The following ZBTB38 variants were observed in gnomAD, a reference collection of about 807,000 sequenced individuals.
ZBTB38 encodes the protein zinc finger and BTB domain containing 38.
Under a neutral mutation model 76.8 loss-of-function variants are expected in ZBTB38, and 20 were observed. The ratio of observed to expected loss-of-function variants is 0.26; its 90% CI spans 0.18 to 0.38. The LOEUF (loss-of-function observed/expected upper bound fraction) is 0.38. ZBTB38 is among the 10% of genes least tolerant of loss of function. The pLI is 1.00. For synonymous variants in ZBTB38, 504 were observed against 544.2 expected, an observed-to-expected ratio of 0.93 and a Z score of 1.03; for missense variants, 1,082 against 1,482.3, an observed-to-expected ratio of 0.73 and a Z score of 4.43.
In ZBTB38 at chr3:141,381,462, G is replaced by C. The variant is rs1946183932; in HGVS notation, c.-197G>C. The C allele has an allele frequency of 6.6e-6, 1 of 152,284 alleles. No individual in the cohort carries two copies. Among genetic ancestry groups the C allele is most frequent in the South Asian group, 2.1e-4 (1 of 4,830 alleles). 9.4% of individuals were successfully genotyped at this position (152,284 alleles called of 1,614,324 possible). A position where few individuals can be genotyped will look rare whatever the true frequency, so the allele number is the denominator to read the frequency against. The stretch of plus-strand genomic sequence containing the variant: ...GAGTAACCCCAGTTTGGTCCACAAG[G>C]CTTGCTGCCCAATCTTTGCCAACAG... On this transcript the variant is annotated 5_prime_UTR_variant, in exon 3 of 6. Coordinates refer to ENST00000321464, the MANE Select transcript of ZBTB38 (RefSeq NM_001376113.1).
intron 5 of ZBTB38, among the ~76,000 whole-genome samples, chr3:141,441,589 A>G (rs116775817): frequency 0.014 from 2,157 of 152,224 alleles, 53 homozygotes; most frequent in African/African-American, 0.05. Flanking sequence ...TTGGTTACAC[A>G]CCCTGCAACT....
At chr3:141,346,833 TGAA>T (rs1054327871) in intron 1 of ZBTB38, among the ~76,000 whole-genome samples, 3 of 143,552 alleles carry the variant, frequency 2.1e-5, no homozygotes, top group African/African-American at 7.8e-5. Flanking sequence ...TGCTCACACA[TGAA>T]GAAGGCCAAA....
chr3:141,439,214 CTCCAGTATAACTCTAGCACCCAAGTACTG>C (rs1423930338), intron 5 of ZBTB38, among the ~76,000 whole-genome samples: 1 of 152,166 alleles, frequency 6.6e-6, no homozygotes, highest in Non-Finnish European at 1.5e-5. Context: ...CTGTTCATAT[CTCCAGTATAACTCTAGCACCCAAGTACTG>C]TGTCTGACCA....
At chr3:141,336,792 C>T (rs1943027052) in intron 1 of ZBTB38, among the ~76,000 whole-genome samples, 1 of 152,226 alleles carries the variant, frequency 6.6e-6, no homozygotes, top group Non-Finnish European at 1.5e-5. Flanking sequence ...CATCCCCCGT[C>T]CCTGGGGAAC....
intron 3 of ZBTB38, among the ~76,000 whole-genome samples, chr3:141,385,244 T>C (rs984192575): frequency 2.0e-5 from 3 of 149,382 alleles, no homozygotes; most frequent in African/African-American, 4.9e-5. Context: ...TAAAGACTTT[T>C]GGAGAGATAA....
At chr3:141,415,902 T>C (rs2150010297) in intron 5 of ZBTB38, among the ~76,000 whole-genome samples, 1 of 152,288 alleles carries the variant, frequency 6.6e-6, no homozygotes, top group South Asian at 2.1e-4. Flanking sequence ...GAAGGTCCTA[T>C]TTTAGGGGAC....
At chr3:141,392,153 CTGGCTGGCA>C (rs1166087319) in intron 4 of ZBTB38, among the ~76,000 whole-genome samples, 1 of 152,178 alleles carries the variant, frequency 6.6e-6, no homozygotes, top group African/African-American at 2.4e-5. Context: ...TAGAGGCGGC[CTGGCTGGCA>C]TGTTATACTT....
At chr3:141,418,523 G>A (rs758675469) in intron 5 of ZBTB38, among the ~76,000 whole-genome samples, 8 of 152,132 alleles carry the variant, frequency 5.3e-5, no homozygotes, top group African/African-American at 1.2e-4. Context: ...CTGTCTGCAC[G>A]TCTCTCTCCT....
In ZBTB38 at chr3:141,340,942, G is replaced by GAAAAGA. The variant is rs1195708609; in HGVS notation, c.-739+16489_-739+16490insAGAAAA. 3.7e-4 allele frequency among the ~76,000 whole-genome samples: 37 copies of GAAAAGA among 101,208 alleles called. 2 individuals are homozygous for GAAAAGA. Among genetic ancestry groups the GAAAAGA allele is most frequent in the African/African-American group, 1.4e-3 (31 of 22,712 alleles). 66.4% of individuals were successfully genotyped at this position (101,208 alleles called of 152,430 possible). Reference sequence around the variant, plus strand: ...AAGGAAAGGAAAAAAGAAAAGAAAAGAAAGAAGGAAAGAAAGAAAGAAAGA... The same window carrying GAAAAGA: ...AAGGAAAGGAAAAAAGAAAAGAAAAGAAAAGAAAAGAAGGAAAGAAAGAAAGAAAGA... On this transcript the variant is annotated intron_variant, in intron 1 of 7. Coordinates refer to the ZBTB38 transcript ENST00000509842.
At chr3:141,385,850 G>A (rs1042940274) in intron 3 of ZBTB38, 13 of 152,128 alleles carry the variant, frequency 8.5e-5, no homozygotes, top group African/African-American at 2.9e-4. Flanking sequence ...GTGGGGGTAG[G>A]GAGGTGGTTT....
At chr3:141,429,104 C>T (rs1467223230) in intron 5 of ZBTB38, among the ~76,000 whole-genome samples, 4 of 152,156 alleles carry the variant, frequency 2.6e-5, no homozygotes, top group African/African-American at 9.7e-5. Context: ...ATGGGGCTTA[C>T]ATTTTTGCAA....
At chr3:141,345,468 C>T (rs1053312863) in intron 1 of ZBTB38, among the ~76,000 whole-genome samples, 9 of 152,128 alleles carry the variant, frequency 5.9e-5, no homozygotes, top group Admixed American at 3.3e-4. Context: ...GGCTTCTGCT[C>T]GGCCTGCAGC....
At chr3:141,369,554 C>T (rs891338436) in intron 1 of ZBTB38, among the ~76,000 whole-genome samples, 21 of 152,208 alleles carry the variant, frequency 1.4e-4, no homozygotes, top group African/African-American at 5.1e-4. Context: ...TTGACACATA[C>T]ATGAGAACAG....
intron 5 of ZBTB38, among the ~76,000 whole-genome samples, chr3:141,410,027 C>T (rs1395016455): frequency 6.6e-6 from 1 of 152,188 alleles, no homozygotes; most frequent in Non-Finnish European, 1.5e-5. Context: ...GGTTTCCTCA[C>T]CTATAACCAA....
chr3:141,346,927 C>G (rs1943380659), intron 1 of ZBTB38, among the ~76,000 whole-genome samples: 1 of 152,122 alleles, frequency 6.6e-6, no homozygotes, highest in African/African-American at 2.4e-5. Context: ...ATTCTGCCAT[C>G]TGCCTGGTGG....
chr3:141,329,015 A>T (rs960515970), intron 1 of ZBTB38, among the ~76,000 whole-genome samples: 1 of 152,162 alleles, frequency 6.6e-6, no homozygotes, highest in Non-Finnish European at 1.5e-5. Context: ...CCAGTCGTGC[A>T]TAGCTCTGCC....
intron 1 of ZBTB38, among the ~76,000 whole-genome samples, chr3:141,341,431 G>T (rs889642363): frequency 6.6e-6 from 1 of 152,166 alleles, no homozygotes; most frequent in Non-Finnish European, 1.5e-5. Flanking sequence ...TAAACCGAAC[G>T]TCCATCAACT....
At chr3:141,409,205 C>T (rs768969203) in intron 5 of ZBTB38, among the ~76,000 whole-genome samples, 3 of 152,150 alleles carry the variant, frequency 2.0e-5, no homozygotes, top group Non-Finnish European at 4.4e-5. Context: ...GCCACCACGC[C>T]CAGCTAATTT....
Position 141,445,796 on chromosome 3 carries a change from A to G in ZBTB38, c.3408A>G (p.Thr1136=), listed in dbSNP as rs2081029554. Residue 1136 remains threonine (T), a synonymous_variant, in exon 6 of 6, where the codon ACA becomes ACG. Transcript: ENST00000321464. This position sits in a 1 kb window ranked among gnomAD's most constrained non-coding sequence, Gnocchi z 6.5. ...ACFQCPKICK[T]AAALGMHQKK... is the part of the protein sequence containing the mutation. ...TCCAGTGCCCCAAAATTTGCAAAAC[A>G]GCTGCTGCCCTTGGAATGCACCAAA... The G allele has an allele frequency of 6.2e-7, 1 of 1,614,228 alleles. No individual in the cohort carries two copies. The highest frequency in any genetic ancestry group is 1.3e-5 in the African/African-American group (1 of 75,064).
Sources: allele counts gnomAD v4.1 joint callset (sites outside exome capture counted in the v4.1 genomes callset), GRCh38; gene constraint gnomAD v4.1.1; non-coding constraint Gnocchi (gnomAD v3.1); transcripts MANE v1.5; gene names NCBI Gene and HGNC (gene_info 2026-07-23, HGNC 2026-07-21).